MYRIP: variants seen among roughly 807,000 people sequenced by gnomAD.
The protein encoded by MYRIP is rab effector MyRIP.
Under a neutral mutation model 98.0 loss-of-function variants are expected in MYRIP, and 49 were observed. That is an observed-to-expected ratio of 0.50 (90% confidence interval 0.40 to 0.63). The LOEUF is 0.63. Among genes scored for constraint, MYRIP ranks in the 30% least tolerant of loss-of-function variants. The probability of loss-of-function intolerance (pLI) is 0.00; values close to 1 mark genes in which losing one functional copy is unlikely to be tolerated. For missense variants in MYRIP, 1,004 were observed against 1,058.2 expected, an observed-to-expected ratio of 0.95 and a Z score of 0.71; for synonymous variants, 404 against 409.5, an observed-to-expected ratio of 0.99 and a Z score of 0.16.
At chr3:40,218,598 CATATATATATATTTTATATATATATAT>C (rs1952203899) in intron 11 of MYRIP, among the ~76,000 whole-genome samples, 2 of 14,218 alleles carry the variant, frequency 1.4e-4, no homozygotes, top group South Asian at 3.1e-3. Context: ...CACACACACA[CATATATATATATTTTATATATATATAT>C]ATATATATAT....
chr3:40,112,012 C>T (rs1043196313), intron 3 of MYRIP, among the ~76,000 whole-genome samples: 1 of 152,114 alleles, frequency 6.6e-6, no homozygotes, highest in Admixed American at 6.6e-5. Context: ...ATTTTATATG[C>T]TTGTTACTTA....
chr3:40,130,536 C>A (rs1001551013), intron 3 of MYRIP, among the ~76,000 whole-genome samples: 2 of 151,980 alleles, frequency 1.3e-5, no homozygotes, highest in African/African-American at 4.8e-5. Context: ...CACCATCACG[C>A]CCGGCTAATT....
Position 40,170,076 on chromosome 3 carries a change from G to C in MYRIP, c.856G>C (p.Ala286Pro). ...GTSASPGGYR[A>P]PAALWRSQSA... is the part of the protein sequence containing the mutation. ...CTCAGCATCCCCTGGAGGCTACCGT[G>C]CTCCCGCTGCCCTCTGGGTGAGTCC... is the stretch of plus-strand genomic sequence containing the variant. The change falls in exon 8 of 17, where the codon GCT (alanine) becomes CCT (proline). Residue 286 changes from alanine (A) to proline (P), a missense_variant. Ala to Pro is a conservative substitution (Grantham distance 27, BLOSUM62 -1). Around this residue, in one of 3 missense-constraint regions of MYRIP, gnomAD observed 880 missense variants for 907.7 expected, o/e 0.97. Coordinates refer to ENST00000302541, the MANE Select transcript of MYRIP (RefSeq NM_015460.4). 1 of 1,614,176 alleles carries C rather than the reference G, an allele frequency of 6.2e-7. No individual in the cohort carries two copies. Among genetic ancestry groups the C allele is most frequent in the South Asian group, 1.1e-5 (1 of 91,084 alleles).
At chr3:39,836,115 G>A (rs1941612257) in intron 1 of MYRIP, among the ~76,000 whole-genome samples, 2 of 152,134 alleles carry the variant, frequency 1.3e-5, no homozygotes, top group African/African-American at 4.8e-5. Flanking sequence ...ACCCAGTAAT[G>A]ACATGGCTGG....
At chr3:40,166,453 T>G (rs1463475543) in intron 5 of MYRIP, among the ~76,000 whole-genome samples, 1 of 152,144 alleles carries the variant, frequency 6.6e-6, no homozygotes, top group Non-Finnish European at 1.5e-5. Flanking sequence ...GGAGCCTTTT[T>G]GGATGATGAA....
intron 3 of MYRIP, among the ~76,000 whole-genome samples, chr3:40,057,924 C>T (rs1265953726): frequency 6.6e-6 from 1 of 152,114 alleles, no homozygotes; most frequent in African/African-American, 2.4e-5. Context: ...ACAGTACTTT[C>T]CTCAAAAGAT....
chr3:40,002,039 T>C (rs764533581), intron 2 of MYRIP, among the ~76,000 whole-genome samples: 10 of 152,152 alleles, frequency 6.6e-5, no homozygotes, highest in Non-Finnish European at 7.3e-5. Flanking sequence ...CTAGAAGTAT[T>C]GCAGTTTGTG....
At chr3:40,043,106 G>A (rs1169010134) in intron 2 of MYRIP, among the ~76,000 whole-genome samples, 1 of 152,102 alleles carries the variant, frequency 6.6e-6, no homozygotes, top group East Asian at 1.9e-4. Context: ...ATCATAAGTT[G>A]AACCATTATA....
chr3:40,016,380 C>T (rs1244006923), intron 2 of MYRIP, among the ~76,000 whole-genome samples: 2 of 152,166 alleles, frequency 1.3e-5, no homozygotes, highest in East Asian at 1.9e-4. Context: ...CCCTTTCAAC[C>T]AGTCGTCCTC....
At chr3:40,153,182 A>G (rs1482630670) in intron 4 of MYRIP, among the ~76,000 whole-genome samples, 1 of 152,178 alleles carries the variant, frequency 6.6e-6, no homozygotes, top group Non-Finnish European at 1.5e-5. Flanking sequence ...TTGCTTTAAT[A>G]CTATTTGTAT....
In MYRIP at chr3:39,951,212, A is replaced by C. The variant is rs983218759; in HGVS notation, c.110+50286A>C. On this transcript the variant is annotated intron_variant, in intron 2 of 16. Transcript: ENST00000302541. ...GTCAGTGTATTAAAATAAAACTCAA[A>C]CCCCCCTGGCTTTAGCTCCATGGAT... Among the ~76,000 whole-genome samples the C allele has an allele frequency of 5.3e-5, 8 of 151,990 alleles. No individual in the cohort carries two copies. In the East Asian group the frequency reaches 5.8e-4, roughly 11 times the overall value.
intron 1 of MYRIP, among the ~76,000 whole-genome samples, chr3:39,881,213 C>G (rs934367194): frequency 6.8e-6 from 1 of 147,986 alleles, no homozygotes; most frequent in African/African-American, 2.5e-5. Flanking sequence ...AGCATTACAC[C>G]CATTTCTTCT....
At chr3:40,015,524 G>T (rs1946844487) in intron 2 of MYRIP, among the ~76,000 whole-genome samples, 1 of 152,230 alleles carries the variant, frequency 6.6e-6, no homozygotes, top group South Asian at 2.1e-4. Context: ...TCATAGCAGG[G>T]CAATGCCAGA....
chr3:39,824,023 A>G (rs1309623917), intron 1 of MYRIP, among the ~76,000 whole-genome samples: 1 of 152,026 alleles, frequency 6.6e-6, no homozygotes, highest in East Asian at 1.9e-4. Context: ...TTTTGAATTG[A>G]TTTTTGTTTA....
At chr3:39,965,884 A>C (rs891667157) in intron 2 of MYRIP, among the ~76,000 whole-genome samples, 1 of 152,194 alleles carries the variant, frequency 6.6e-6, no homozygotes, top group Admixed American at 6.6e-5. Context: ...ATTTAGCAAA[A>C]TAATATACAT....
chr3:39,908,435 C>T (rs929331224), intron 2 of MYRIP, among the ~76,000 whole-genome samples: 7 of 152,124 alleles, frequency 4.6e-5, no homozygotes, highest in East Asian at 1.9e-4. Context: ...TTCCACCCCC[C>T]CCATTGCTCA....
At chr3:39,958,982 A>G (rs1945248473) in intron 2 of MYRIP, among the ~76,000 whole-genome samples, 1 of 152,134 alleles carries the variant, frequency 6.6e-6, no homozygotes, top group Non-Finnish European at 1.5e-5. Flanking sequence ...ATGAGATACC[A>G]TCTCACACCA....
At chr3:39,854,397 A>G (rs1382357426) in intron 1 of MYRIP, among the ~76,000 whole-genome samples, 2 of 151,964 alleles carry the variant, frequency 1.3e-5, no homozygotes, top group Non-Finnish European at 2.9e-5. Flanking sequence ...CTTTGTCTTC[A>G]GGCTCTAAAG....
At chr3:40,155,837 T>C (rs1187552059) in intron 4 of MYRIP, among the ~76,000 whole-genome samples, 7 of 151,702 alleles carry the variant, frequency 4.6e-5, no homozygotes, top group Non-Finnish European at 8.8e-5. Context: ...TTTGATGGGG[T>C]TGTTTGTTTT....
Sources: gnomAD v4.1 joint callset for allele counts (sites outside exome capture counted in the v4.1 genomes callset) on GRCh38, gnomAD v4.1.1 for gene constraint, gnomAD v4.1.1 regional missense constraint, MANE v1.5 for transcripts, NCBI Gene and HGNC (gene_info 2026-07-23, HGNC 2026-07-21) for gene names.